The following STAU2 variants were observed in gnomAD, a reference collection of about 807,000 sequenced individuals.
The protein encoded by STAU2 is double-stranded RNA-binding protein Staufen homolog 2.
Under a neutral mutation model 65.9 loss-of-function variants are expected in STAU2, and 20 were observed. That is an observed-to-expected ratio of 0.30 (90% CI 0.21 to 0.44). The LOEUF (loss-of-function observed/expected upper bound fraction) is 0.44, where lower values mean the gene tolerates loss of function less well. Among genes scored for constraint, STAU2 ranks in the 20% least tolerant of loss-of-function variants. The probability of loss-of-function intolerance (pLI) is 1.00; values close to 1 mark genes in which losing one functional copy is unlikely to be tolerated. For synonymous variants in STAU2, 232 were observed against 233.9 expected, an observed-to-expected ratio of 0.99 and a Z score of 0.07; for missense variants, 558 against 683.9, an observed-to-expected ratio of 0.82 and a Z score of 2.05.
chr8:73,484,656 C>A (rs1820819537), intron 13 of STAU2, among the ~76,000 whole-genome samples: 1 of 152,042 alleles, frequency 6.6e-6, no homozygotes. Context: ...CTTACCAATA[C>A]CCAAGTTACA....
chr8:73,513,913 C>A (rs1487687644), intron 13 of STAU2, among the ~76,000 whole-genome samples: 1 of 152,074 alleles, frequency 6.6e-6, no homozygotes, highest in Non-Finnish European at 1.5e-5. Context: ...TGGGAGCACC[C>A]GCAGGCAGAA....
At chr8:73,439,094 G>C (rs1247701448) in intron 13 of STAU2, 4 of 452,930 alleles carry the variant, frequency 8.8e-6, no homozygotes, top group Non-Finnish European at 1.8e-5. Flanking sequence ...TCCATGGACA[G>C]TATTGTGCTG....
At chr8:73,699,768 C>A (rs1819949871) in intron 4 of STAU2, among the ~76,000 whole-genome samples, 1 of 147,394 alleles carries the variant, frequency 6.8e-6, no homozygotes, top group Non-Finnish European at 1.5e-5. Context: ...CAATCCTACT[C>A]AAACTATTCT....
At chr8:73,476,180 C>A (rs1261454802) in intron 13 of STAU2, among the ~76,000 whole-genome samples, 1 of 152,150 alleles carries the variant, frequency 6.6e-6, no homozygotes, top group African/African-American at 2.4e-5. Context: ...CAGAGGAGCA[C>A]GAATGACCTC....
chr8:73,484,499 C>T (rs912785788), intron 13 of STAU2, among the ~76,000 whole-genome samples: 13 of 152,126 alleles, frequency 8.5e-5, no homozygotes, highest in East Asian at 7.7e-4. Context: ...GAGTAGAACT[C>T]GGCTAATGAA....
chr8:73,481,651 T>C (rs1240072153), intron 13 of STAU2, among the ~76,000 whole-genome samples: 1 of 152,122 alleles, frequency 6.6e-6, no homozygotes, highest in African/African-American at 2.4e-5. Flanking sequence ...TATATACTAA[T>C]AACAACTATG....
At chr8:73,605,882 C>CACACAT (rs1811994225) in intron 9 of STAU2, among the ~76,000 whole-genome samples, 1 of 22,672 alleles carries the variant, frequency 4.4e-5, no homozygotes, top group South Asian at 7.3e-4. Context: ...CACACATACA[C>CACACAT]ACACACACAC....
At chr8:73,429,755 G>A (rs959325637) in intron 13 of STAU2, among the ~76,000 whole-genome samples, 4 of 151,938 alleles carry the variant, frequency 2.6e-5, no homozygotes, top group East Asian at 3.9e-4. Context: ...ATTTAAAGCC[G>A]CTCACGTTCC....
chr8:73,461,218 T>C (rs1170180507), intron 13 of STAU2, among the ~76,000 whole-genome samples: 3 of 152,214 alleles, frequency 2.0e-5, no homozygotes, highest in Admixed American at 6.5e-5. Flanking sequence ...AGCAGAGTGC[T>C]TGGCACACAG....
Position 73,722,161 on chromosome 8 carries a change from A to T in STAU2, c.-17-12999T>A, listed in dbSNP as rs185884088. On this transcript the variant is annotated intron_variant, in intron 3 of 14. Coordinates refer to ENST00000524300, the MANE Select transcript of STAU2 (RefSeq NM_001164380.2). ...ACCTCACACAGAGCAAAAGAATCTTATAACAGTATACCTCCATTTCTCCCT... is the reference window on the plus strand; with the variant it reads ...ACCTCACACAGAGCAAAAGAATCTTTTAACAGTATACCTCCATTTCTCCCT... 5.5e-4 allele frequency among the ~76,000 whole-genome samples: 84 copies of T among 152,308 alleles called. 1 individual carries two copies. Among genetic ancestry groups the T allele is most frequent in the African/African-American group, 1.9e-3 (77 of 41,580 alleles).
At chr8:73,636,042 C>A (rs7817465) in intron 6 of STAU2, among the ~76,000 whole-genome samples, 29,193 of 151,348 alleles carry the variant, frequency 0.19, 3,055 homozygotes, top group East Asian at 0.37. Flanking sequence ...AGACCCCAGC[C>A]AACTAACTGC....
intron 9 of STAU2, among the ~76,000 whole-genome samples, chr8:73,609,183 T>C (rs922843612): frequency 6.6e-6 from 1 of 152,098 alleles, no homozygotes; most frequent in African/African-American, 2.4e-5. Flanking sequence ...AGGAATCATC[T>C]ATTTAAAGAT....
chr8:73,562,434 T>A (rs1808300641), intron 12 of STAU2, among the ~76,000 whole-genome samples: 1 of 152,182 alleles, frequency 6.6e-6, no homozygotes, highest in Non-Finnish European at 1.5e-5. Context: ...TGCAGTGAGC[T>A]ATAATGGCAA....
chr8:73,471,842 GA>G (rs1820048315), intron 13 of STAU2, among the ~76,000 whole-genome samples: 8 of 107,812 alleles, frequency 7.4e-5, no homozygotes, highest in African/African-American at 2.5e-4. Flanking sequence ...AAAAAAGAGA[GA>G]AGAAGGAGAA....
intron 12 of STAU2, among the ~76,000 whole-genome samples, chr8:73,557,694 T>A (rs1807895506): frequency 6.6e-6 from 1 of 152,236 alleles, no homozygotes; most frequent in Non-Finnish European, 1.5e-5. Flanking sequence ...CTCATGTAGC[T>A]ACTTTAGGTC....
intron 3 of STAU2, among the ~76,000 whole-genome samples, chr8:73,730,465 G>A (rs1460138915): frequency 1.3e-5 from 2 of 152,080 alleles, no homozygotes; most frequent in African/African-American, 4.8e-5. Context: ...AGTGGCTCAC[G>A]CCTATAATCC....
At chr8:73,631,879 A>G (rs1042093717) in intron 6 of STAU2, among the ~76,000 whole-genome samples, 4 of 152,204 alleles carry the variant, frequency 2.6e-5, no homozygotes, top group Admixed American at 2.6e-4. Flanking sequence ...TATAGTCCAA[A>G]TATTACTGCC....
intron 11 of STAU2, among the ~76,000 whole-genome samples, chr8:73,586,846 A>G (rs1257902359): frequency 1.6e-4 from 24 of 152,048 alleles, no homozygotes; most frequent in Non-Finnish European, 2.9e-5. Flanking sequence ...CAGAACAACA[A>G]CAAAAACAGA....
At chr8:73,526,052 T>C (rs186793299) in intron 13 of STAU2, among the ~76,000 whole-genome samples, 2 of 152,338 alleles carry the variant, frequency 1.3e-5, no homozygotes, top group Admixed American at 6.5e-5. Context: ...TGTAAAACCC[T>C]GAGAAGCACT....
Sources: allele counts gnomAD v4.1 joint callset (sites outside exome capture counted in the v4.1 genomes callset), GRCh38; gene constraint gnomAD v4.1.1; transcripts MANE v1.5; gene names NCBI Gene and HGNC (gene_info 2026-07-23, HGNC 2026-07-21).